LRRC69: variants seen among roughly 807,000 people sequenced by gnomAD.
The protein encoded by LRRC69 is leucine-rich repeat-containing protein 69.
In LRRC69, 42 loss-of-function variants were observed where a neutral mutation model predicts 37.8. That is an observed-to-expected ratio of 1.11 (90% confidence interval 0.87 to 1.44). LRRC69 has a LOEUF of 1.44. Ranked by LOEUF, LRRC69 falls within the 40% of genes most tolerant of loss-of-function variation. The pLI, the probability that LRRC69 is intolerant of heterozygous loss-of-function variation, is 0.00. For missense variants in LRRC69, 357 were observed against 401.9 expected (o/e 0.89, Z 0.96); for synonymous variants, 141 against 143.1 (o/e 0.99, Z 0.11).
At chr8:91,150,357 C>G (rs1019437514) in intron 5 of LRRC69, among the ~76,000 whole-genome samples, 5 of 151,858 alleles carry the variant, frequency 3.3e-5, no homozygotes, top group Non-Finnish European at 7.4e-5. Flanking sequence ...TGGTTTTTGT[C>G]ATTGGTTCTG....
At chr8:91,206,959 C>A in intron 7 of LRRC69, 2 of 678,522 alleles carry the variant, frequency 2.9e-6, no homozygotes, top group Non-Finnish European at 4.0e-6. Flanking sequence ...TATGCTTTTC[C>A]AACCTAGTTA....
chr8:91,206,674 T>C, intron 7 of LRRC69: 2 of 1,289,246 alleles, frequency 1.6e-6, no homozygotes, highest in Non-Finnish European at 2.0e-6. Flanking sequence ...GCTACTCTTA[T>C]TTCATGTCTC....
At chr8:91,204,113 C>T (rs961750663) in intron 7 of LRRC69, among the ~76,000 whole-genome samples, 2 of 144,696 alleles carry the variant, frequency 1.4e-5, no homozygotes, top group African/African-American at 2.6e-5. Context: ...CAGAGAAAGA[C>T]TCCATCTCAA....
At chr8:91,144,517 G>A (rs1457940099) in intron 5 of LRRC69, among the ~76,000 whole-genome samples, 2 of 151,836 alleles carry the variant, frequency 1.3e-5, no homozygotes, top group Non-Finnish European at 2.9e-5. Flanking sequence ...GGCTCATTTG[G>A]TTTGTTTGCC....
intron 5 of LRRC69, among the ~76,000 whole-genome samples, chr8:91,153,329 T>G (rs1297354349): frequency 2.0e-5 from 3 of 151,122 alleles, no homozygotes; most frequent in Non-Finnish European, 4.4e-5. Context: ...ACAAGGATAT[T>G]CAGGACTTGA....
intron 7 of LRRC69, among the ~76,000 whole-genome samples, 166 bp downstream of exon 7, chr8:91,200,958 C>T (rs1809703066): frequency 6.6e-6 from 1 of 152,164 alleles, no homozygotes; most frequent in Non-Finnish European, 1.5e-5. Flanking sequence ...TAATAATCAT[C>T]ATCACCCATT....
At chr8:91,168,615 G>A (rs1223585224) in intron 5 of LRRC69, among the ~76,000 whole-genome samples, 1 of 151,922 alleles carries the variant, frequency 6.6e-6, no homozygotes, top group Non-Finnish European at 1.5e-5. Flanking sequence ...TACCTGCTAA[G>A]CAGGATGGAC....
chr8:91,123,136 C>T (rs1160171413), intron 1 of LRRC69, among the ~76,000 whole-genome samples: 1 of 151,984 alleles, frequency 6.6e-6, no homozygotes, highest in Non-Finnish European at 1.5e-5. Flanking sequence ...ACAGATCATC[C>T]CCTGGAGTTT....
chr8:91,214,011 T>C (rs960217293), intron 7 of LRRC69, among the ~76,000 whole-genome samples: 5 of 152,116 alleles, frequency 3.3e-5, no homozygotes, highest in African/African-American at 1.2e-4. Flanking sequence ...ACCGGTGAGA[T>C]ATATATGTGT....
intron 5 of LRRC69, among the ~76,000 whole-genome samples, chr8:91,172,280 G>C (rs1235678411): frequency 6.6e-6 from 1 of 151,926 alleles, no homozygotes; most frequent in Non-Finnish European, 1.5e-5. Context: ...ATATCTAGAA[G>C]TGTAAATGCT....
rs1250889554 is a variant in LRRC69 at position 91,193,415 on chromosome 8, T to C, written c.753+3792T>C. Among the ~76,000 whole-genome samples, 7 of 142,100 alleles carry C rather than the reference T, an allele frequency of 4.9e-5. No individual in the cohort carries two copies. In the East Asian group the frequency reaches 1.0e-3, roughly 21 times the overall value. The allele number at this position is 142,100 out of a possible 152,430, so 93.2% of individuals were successfully genotyped here. On this transcript the variant is annotated intron_variant, in intron 6 of 7. Transcript: ENST00000448384. ...CATTGGTAGCTTGATGGGGATGGCATTGAATCTGTAAATTACCTTGGGTAG... is the reference window on the plus strand; with the variant it reads ...CATTGGTAGCTTGATGGGGATGGCACTGAATCTGTAAATTACCTTGGGTAG...
intron 6 of LRRC69, 120 bp from the exon 7 acceptor site, chr8:91,200,493 T>TGG: frequency 1.5e-6 from 1 of 648,710 alleles, no homozygotes; most frequent in Non-Finnish European, 2.4e-6. Flanking sequence ...CACTGCAGAA[T>TGG]CTTAATTTAA....
At chr8:91,188,159 A>G (rs1809435168) in intron 5 of LRRC69, among the ~76,000 whole-genome samples, 1 of 152,218 alleles carries the variant, frequency 6.6e-6, no homozygotes, top group Non-Finnish European at 1.5e-5. Context: ...CTGTTTTGAG[A>G]CCAGGACTCA....
At chr8:91,194,996 C>G (rs180884330) in intron 6 of LRRC69, among the ~76,000 whole-genome samples, 1 of 152,170 alleles carries the variant, frequency 6.6e-6, no homozygotes, top group East Asian at 1.9e-4. Flanking sequence ...TATAAATTTC[C>G]CTCTACACAG....
intron 5 of LRRC69, among the ~76,000 whole-genome samples, chr8:91,137,531 C>G (rs1808442794): frequency 6.6e-6 from 1 of 151,916 alleles, no homozygotes; most frequent in Non-Finnish European, 1.5e-5. Context: ...TATTATTCAC[C>G]TTTCACCTTC....
chr8:91,117,922 T>G (rs533837149), intron 1 of LRRC69, among the ~76,000 whole-genome samples: 2 of 151,984 alleles, frequency 1.3e-5, no homozygotes, highest in South Asian at 4.1e-4. Context: ...CTGGAAATTA[T>G]GTCCTGAGGG....
intron 6 of LRRC69, among the ~76,000 whole-genome samples, chr8:91,197,384 CCCGG>C (rs766486744): frequency 1.3e-5 from 2 of 152,066 alleles, no homozygotes; most frequent in Non-Finnish European, 2.9e-5. Context: ...TTCGAGCTTC[CCCGG>C]CTGCTTTGTT....
chr8:91,198,371 C>T (rs551764713), intron 6 of LRRC69, among the ~76,000 whole-genome samples: 12 of 152,068 alleles, frequency 7.9e-5, no homozygotes, highest in Non-Finnish European at 1.5e-4. Flanking sequence ...GTCATAGAGC[C>T]AGAATTTACA....
intron 7 of LRRC69, among the ~76,000 whole-genome samples, chr8:91,213,372 TC>T (rs1809972002): frequency 6.6e-6 from 1 of 152,170 alleles, no homozygotes; most frequent in African/African-American, 2.4e-5. Context: ...ACCAGGACTG[TC>T]CTTGGCAAAT....
Sources: allele counts gnomAD v4.1 joint callset (sites outside exome capture counted in the v4.1 genomes callset), GRCh38; gene constraint gnomAD v4.1.1; transcripts MANE v1.5; gene names NCBI Gene and HGNC (gene_info 2026-07-23, HGNC 2026-07-21).